Variants in STK11 observed in about 807,000 individuals in gnomAD.
STK11 encodes the protein serine/threonine-protein kinase STK11.
In STK11, 8 loss-of-function variants were observed where a neutral mutation model predicts 47.3. That is an observed-to-expected ratio of 0.17 (90% CI 0.10 to 0.31). The LOEUF is 0.31. Ranked by LOEUF, STK11 falls within the 10% of genes least tolerant of loss-of-function variation. STK11 has a pLI of 1.00. For missense variants in STK11, 475 were observed against 605.0 expected, an observed-to-expected ratio of 0.79 and a Z score of 2.25; for synonymous variants, 330 against 255.8, an observed-to-expected ratio of 1.29 and a Z score of -2.77.
chr19:1,224,394 TGGG>T, intron 8 of STK11: 1 of 985,208 alleles, frequency 1.0e-6, no homozygotes, highest in Non-Finnish European at 1.2e-6. Flanking sequence ...TGCTGGGAGG[TGGG>T]GGCCCCTCAT....
At chr19:1,220,080 G>T in intron 3 of STK11, 1 of 397,100 alleles carries the variant, frequency 2.5e-6, no homozygotes, top group African/African-American at 2.0e-5. Flanking sequence ...GCAGGGAGGG[G>T]CCTGCTGTTC....
intron 1 of STK11, among the ~76,000 whole-genome samples, chr19:1,212,407 G>A (rs1009641194): frequency 4.0e-5 from 6 of 148,568 alleles, no homozygotes; most frequent in Admixed American, 1.4e-4. Flanking sequence ...CTGCAGATGT[G>A]CACCACCACA....
At chr19:1,220,930 C>A (rs1046283145) in intron 5 of STK11, among the ~76,000 whole-genome samples, 1 of 152,216 alleles carries the variant, frequency 6.6e-6, no homozygotes, top group Non-Finnish European at 1.5e-5. Context: ...CGTCAGGGAT[C>A]TTCACAGAGT....
At chr19:1,226,415 G>A (rs766848132) in intron 8 of STK11, 39 bp from the exon 9 acceptor site, 15 of 1,593,922 alleles carry the variant, frequency 9.4e-6, no homozygotes, top group East Asian at 6.8e-5. Flanking sequence ...CTGGGGTTGC[G>A]CCCCTCAGCT....
At chr19:1,226,356 C>T (rs2080820660) in intron 8 of STK11, 98 bp from the exon 9 acceptor site, 4 of 1,527,992 alleles carry the variant, frequency 2.6e-6, no homozygotes, top group Admixed American at 2.0e-5. Flanking sequence ...GCCTGGGCAG[C>T]AGCTGTAAGT....
At chr19:1,211,931 C>G (rs1258311759) in intron 1 of STK11, among the ~76,000 whole-genome samples, 1 of 152,256 alleles carries the variant, frequency 6.6e-6, no homozygotes, top group Non-Finnish European at 1.5e-5. Context: ...GTTCCAGCAT[C>G]TGCTGAGGCC....
At chr19:1,219,458 C>CCGGGGG in intron 3 of STK11, 45 bp downstream of exon 3, 2 of 1,537,638 alleles carry the variant, frequency 1.3e-6, no homozygotes, top group Non-Finnish European at 1.8e-6. Context: ...GGGCCGGGGG[C>CCGGGGG]CAGGCAGGGC....
chr19:1,208,658 C>G (rs1350245032), intron 1 of STK11, among the ~76,000 whole-genome samples: 2 of 104,734 alleles, frequency 1.9e-5, no homozygotes, highest in African/African-American at 7.8e-5. Flanking sequence ...ACTCTTGTTG[C>G]TCAGGCTGGA....
rs1555738693 is a variant in STK11, at chr19:1,221,309, C to A, written c.831C>A (p.Asp277Glu). The stretch of plus-strand genomic sequence containing the variant: ...AGGGGAGCTACGCCATCCCGGGCGA[C>A]TGTGGCCCCCCGCTCTCTGACCTGC... ...IGKGSYAIPG[D>E]CGPPLSDLLK... The change falls in exon 6 of 10, where the codon GAC becomes GAA. Residue 277 changes from aspartate (D) to glutamate (E), a missense_variant. By Grantham distance (45) the Asp-to-Glu change is conservative. Transcript: ENST00000326873. The A allele has an allele frequency of 6.2e-7, 1 of 1,610,540 alleles. No individual in the cohort carries two copies. The highest frequency in any genetic ancestry group is 8.5e-7 in the Non-Finnish European group (1 of 1,178,778).
intron 1 of STK11, among the ~76,000 whole-genome samples, chr19:1,208,192 G>C (rs546791393): frequency 1.3e-5 from 2 of 152,166 alleles, no homozygotes; most frequent in East Asian, 2.0e-4. Context: ...AAGGAGGTCC[G>C]GGGAGGGGCT....
chr19:1,223,808 C>G (rs964349463), intron 8 of STK11: 9 of 1,033,226 alleles, frequency 8.7e-6, no homozygotes, highest in Middle Eastern at 4.5e-4. Flanking sequence ...AGCCCCTCCC[C>G]GCCATGCTCC....
intron 2 of STK11, among the ~76,000 whole-genome samples, chr19:1,219,035 T>C (rs1011750449): frequency 2.0e-5 from 3 of 151,908 alleles, no homozygotes; most frequent in African/African-American, 7.3e-5. Context: ...TGGGGGGGCG[T>C]CCAGGAGGCA....
At chr19:1,225,428 C>A in intron 8 of STK11, 2 of 789,032 alleles carry the variant, frequency 2.5e-6, no homozygotes, top group Non-Finnish European at 3.1e-6. Flanking sequence ...CGCCAGCATG[C>A]CCGGCTAATT....
rs1599914392 is a variant in STK11 at position 1,206,666 on chromosome 19, G to C, written c.-248G>C. 5.5e-6 allele frequency: 3 copies of C among 544,630 alleles called. No individual in the cohort carries two copies. The highest frequency in any genetic ancestry group is 9.6e-6 in the Non-Finnish European group (3 of 313,744). The allele number at this position is 544,630 out of a possible 1,614,324, so 33.7% of individuals were successfully genotyped here. Reference sequence around the variant, plus strand: ...CACTGGAACTCGCGTCTGAGCCGCCGTCCCGGACCCCCGGTGCCCGCCGGT... The same window carrying C: ...CACTGGAACTCGCGTCTGAGCCGCCCTCCCGGACCCCCGGTGCCCGCCGGT... On this transcript the variant is annotated 5_prime_UTR_variant, in exon 1 of 10. Transcript: ENST00000326873.
intron 7 of STK11, among the ~76,000 whole-genome samples, chr19:1,222,300 G>A (rs2080790344): frequency 1.3e-5 from 2 of 152,238 alleles, no homozygotes; most frequent in South Asian, 2.1e-4. Flanking sequence ...AAACACTGGC[G>A]AGAGCCTCTC....
At chr19:1,227,566 C>T (rs1353158162) in intron 9 of STK11, 27 bp from the exon 10 acceptor site, 3 of 1,063,622 alleles carry the variant, frequency 2.8e-6, no homozygotes, top group Admixed American at 5.4e-5. Context: ...CCAGGCTGAC[C>T]TCTTCCGTCT....
Position 1,226,512 on chromosome 19 carries a change from C to A in STK11, c.1167C>A (p.Ala389=), listed in dbSNP as rs547919101. 1.2e-6 allele frequency: 2 copies of A among 1,610,528 alleles called. No individual in the cohort carries two copies. The highest frequency in any genetic ancestry group is 2.2e-5 in the East Asian group (1 of 44,808). ...GACAGCGCCGGGGCCTCCCCAAGGCCGTGTGTATGAACGGCACAGAGGCGG... is the reference window on the plus strand; with the variant it reads ...GACAGCGCCGGGGCCTCCCCAAGGCAGTGTGTATGAACGGCACAGAGGCGG... The part of the protein sequence containing the change: ...HNGQRRGLPK[A]VCMNGTEAAQ... The change falls in exon 9 of 10, where the codon GCC becomes GCA. Residue 389 remains alanine, a synonymous_variant. Coordinates refer to ENST00000326873, the MANE Select transcript of STK11 (RefSeq NM_000455.5).
intron 1 of STK11, among the ~76,000 whole-genome samples, chr19:1,213,870 C>T (rs1424177145): frequency 1.3e-5 from 2 of 152,220 alleles, no homozygotes; most frequent in African/African-American, 2.4e-5. Context: ...TGCTCTGAGC[C>T]GTGGGAGGCC....
At chr19:1,224,241 G>GC (rs1487022687) in intron 8 of STK11, 3 of 985,232 alleles carry the variant, frequency 3.0e-6, no homozygotes, top group East Asian at 2.3e-4. Flanking sequence ...GCATGTGGGG[G>GC]CCCCCCAGGA....
Sources: gnomAD v4.1 joint callset for allele counts (sites outside exome capture counted in the v4.1 genomes callset) on GRCh38, gnomAD v4.1.1 for gene constraint, MANE v1.5 for transcripts, NCBI Gene and HGNC (gene_info 2026-07-23, HGNC 2026-07-21) for gene names.